Variants in GNL3L observed in about 807,000 individuals in gnomAD.
GNL3L encodes the protein G protein nucleolar 3 like, also known as guanine nucleotide-binding protein-like 3-like protein.
In GNL3L, 4 loss-of-function variants were observed where a neutral mutation model predicts 42.9. The observed-to-expected ratio is 0.09, with a 90% CI of 0.05 to 0.21. The LOEUF is 0.21. Among genes scored for constraint, GNL3L ranks in the 10% least tolerant of loss-of-function variants. The pLI is 1.00. For synonymous variants in GNL3L, 159 were observed against 176.3 expected, an observed-to-expected ratio of 0.90 and a Z score of 0.78; for missense variants, 412 against 481.7, an observed-to-expected ratio of 0.86 and a Z score of 1.36.
the GNL3L span, among the ~76,000 whole-genome samples, chrX:54,637,765 A>G: frequency 8.9e-6 from 1 of 112,329 alleles, no homozygotes. Flanking sequence ...ATTTTTAGAT[A>G]TTCTGTGGTA....
At chrX:54,602,412 A>G (rs764857786) in intron 16 of GNL3L, among the ~76,000 whole-genome samples, 143 of 110,765 alleles carry the variant, frequency 1.3e-3, no homozygotes, top group Non-Finnish European at 2.0e-3. Context: ...TCTTTTGCCC[A>G]TCTTTAAACT....
rs1390921782 is a variant in GNL3L at position 54,534,013 on chromosome X, A to G, written c.19+1428A>G. Among the ~76,000 whole-genome samples the G allele has an allele frequency of 2.2e-5, 2 of 90,469 alleles. 1 individual carries two copies. Among genetic ancestry groups the G allele is most frequent in the East Asian group, 6.4e-4 (2 of 3,116 alleles). The allele number at this position is 90,469 out of a possible 115,157, so 78.6% of individuals were successfully genotyped here. A position where few individuals can be genotyped will look rare whatever the true frequency, so the allele number is the denominator to read the frequency against. On this transcript the variant is annotated intron_variant, in intron 2 of 15. Coordinates refer to ENST00000360845, the MANE Select transcript of GNL3L (RefSeq NM_001184819.2). ...AGATGGAAAGATCTTCAGATTTGCT[A>G]ACTGAAAGCAGGCATTTGCCACTAT... is the stretch of plus-strand genomic sequence containing the variant.
chrX:54,605,026 G>A (rs754853707), intron 16 of GNL3L, among the ~76,000 whole-genome samples: 1 of 111,215 alleles, frequency 9.0e-6, no homozygotes, highest in South Asian at 3.9e-4. Flanking sequence ...TTGTCTGGTT[G>A]TATGTTTCTG....
Position 54,551,908 on chromosome X carries a change from A to G in GNL3L, c.1115A>G (p.Lys372Arg), listed in dbSNP as rs964987600. The G allele has an allele frequency of 5.0e-6, 6 of 1,205,683 alleles. No homozygotes were observed. The highest frequency in any genetic ancestry group is 3.5e-5 in the African/African-American group (2 of 57,340). Residue 372 changes from lysine (K) to arginine (R), a missense_variant, in exon 12 of 16, where the codon AAG (lysine) becomes AGG (arginine). Physicochemically the swap from Lys to Arg is conservative, Grantham distance 26. Coordinates refer to ENST00000360845, the MANE Select transcript of GNL3L (RefSeq NM_001184819.2). ...FLTAVAHRLG[K>R]KKKGGLYSQE... ...ACGGCAGTGGCCCACCGTTTGGGGA[A>G]GAAGAAGAAGGGAGGCTTATATAGT...
intron 1 of GNL3L, among the ~76,000 whole-genome samples, chrX:54,531,955 TATCTC>T (rs1239065795): frequency 3.6e-5 from 4 of 110,012 alleles, no homozygotes; most frequent in African/African-American, 1.3e-4. Context: ...ATTTTGTACT[TATCTC>T]AATCCATATA....
chrX:54,600,206 CTTTTTT>C (rs1172527598), intron 16 of GNL3L, among the ~76,000 whole-genome samples: 4 of 13,397 alleles, frequency 3.0e-4, no homozygotes, highest in Admixed American at 1.1e-3. Flanking sequence ...CAATCTGCTG[CTTTTTT>C]TTTTTTTTTT....
intron 13 of GNL3L, among the ~76,000 whole-genome samples, chrX:54,553,288 C>T (rs1158490128): frequency 3.6e-5 from 4 of 111,916 alleles, no homozygotes; most frequent in Non-Finnish European, 5.6e-5. Flanking sequence ...CTCCCTGCTT[C>T]ATTCTCTACA....
chrX:54,581,098 G>C (rs1233825330), intron 16 of GNL3L, among the ~76,000 whole-genome samples: 1 of 111,907 alleles, frequency 8.9e-6, no homozygotes, highest in Admixed American at 9.5e-5. Context: ...TTAATTTTTA[G>C]ATGCAGTTGT....
At chrX:54,595,275 A>AT (rs1325682815) in intron 16 of GNL3L, among the ~76,000 whole-genome samples, 41 of 104,626 alleles carry the variant, frequency 3.9e-4, no homozygotes, top group East Asian at 6.0e-4. Context: ...TGTTTGAAGG[A>AT]TTTTTTTTTT....
At chrX:54,531,549 C>T (rs145555225) in intron 1 of GNL3L, among the ~76,000 whole-genome samples, 1 of 111,011 alleles carries the variant, frequency 9.0e-6, no homozygotes, top group Non-Finnish European at 1.9e-5. Flanking sequence ...ACCAGAGCCC[C>T]TATTTCTTTC....
In GNL3L at chrX:54,543,389, A is replaced by G. The variant is rs369985950; in HGVS notation, c.526+47A>G. On this transcript the variant is annotated intron_variant, in intron 7 of 15. Coordinates refer to ENST00000360845, the MANE Select transcript of GNL3L (RefSeq NM_001184819.2). ...GTGTGACAGGGAAGGTGGGCAGGCC[A>G]TCTTTAACGTCTAGCTTGGACCAGA... 421 of 1,164,650 alleles carry G rather than the reference A, an allele frequency of 3.6e-4. 2 individuals carry two copies. The South Asian group carries it at 4.0e-3, about 11-fold the overall frequency.
At chrX:54,631,098 C>T in the GNL3L span, among the ~76,000 whole-genome samples, 162 of 111,070 alleles carry the variant, frequency 1.5e-3, no homozygotes, top group African/African-American at 4.9e-3. Context: ...TGAGCCACCT[C>T]TCCTAGCCTA....
Position 54,576,671 on chromosome X carries a change from G to A in GNL3L, c.*45+16024G>A, listed in dbSNP as rs1218911616. The stretch of plus-strand genomic sequence containing the variant: ...AGTAGAGATGGAGTTTCACCGTGTT[G>A]GCCAGGCTGGTCTTGAACTCCTGAC... On this transcript the variant is annotated intron_variant, in intron 16 of 16. Coordinates refer to the GNL3L transcript ENST00000674498. Among the ~76,000 whole-genome samples, 5 of 110,123 alleles carry A rather than the reference G, an allele frequency of 4.5e-5. No individual in the cohort carries two copies. The East Asian group carries it at 8.6e-4, about 19-fold the overall frequency.
At chrX:54,637,154 G>C in the GNL3L span, among the ~76,000 whole-genome samples, 2 of 111,476 alleles carry the variant, frequency 1.8e-5, no homozygotes, top group African/African-American at 6.5e-5. Flanking sequence ...TTCTGTAGGG[G>C]AACAAGAGCT....
intron 13 of GNL3L, among the ~76,000 whole-genome samples, chrX:54,553,299 C>T (rs927059864): frequency 8.9e-6 from 1 of 111,883 alleles, no homozygotes; most frequent in African/African-American, 3.2e-5. Context: ...ATTCTCTACA[C>T]TGCCTAAGGA....
chrX:54,574,276 A>C (rs1276555989), intron 16 of GNL3L, among the ~76,000 whole-genome samples: 2 of 111,395 alleles, frequency 1.8e-5, no homozygotes, highest in Non-Finnish European at 3.8e-5. Flanking sequence ...GGTTTTGTAG[A>C]TGCCCTTTAT....
At chrX:54,588,846 C>A (rs1399793431) in intron 16 of GNL3L, among the ~76,000 whole-genome samples, 1 of 111,771 alleles carries the variant, frequency 8.9e-6, no homozygotes, top group Non-Finnish European at 1.9e-5. Flanking sequence ...AATGCTTTAA[C>A]TTTATTCCTC....
chrX:54,542,596 C>T (rs1373345722), intron 5 of GNL3L, among the ~76,000 whole-genome samples: 3 of 111,487 alleles, frequency 2.7e-5, no homozygotes, highest in Non-Finnish European at 5.6e-5. Flanking sequence ...GATTTATAAT[C>T]CTTTGGGTAT....
intron 8 of GNL3L, among the ~76,000 whole-genome samples, chrX:54,546,152 C>T (rs1924768945): frequency 8.9e-6 from 1 of 112,714 alleles, no homozygotes; most frequent in African/African-American, 3.2e-5. Context: ...TAAGCCACTG[C>T]ACTCGGCCTT....
Sources: allele counts gnomAD v4.1 joint callset (sites outside exome capture counted in the v4.1 genomes callset), GRCh38; gene constraint gnomAD v4.1.1; transcripts MANE v1.5; gene names NCBI Gene and HGNC (gene_info 2026-07-23, HGNC 2026-07-21).